ERBB4: variants seen among roughly 807,000 people sequenced by gnomAD.
ERBB4 encodes the protein receptor tyrosine-protein kinase erbB-4.
Under a neutral mutation model 158.0 loss-of-function variants are expected in ERBB4, and 42 were observed. The observed-to-expected ratio is 0.27, with a 90% confidence interval of 0.21 to 0.34. ERBB4 has a LOEUF of 0.34. Ranked by LOEUF, ERBB4 falls within the 10% of genes least tolerant of loss-of-function variation. The pLI, the probability that ERBB4 is intolerant of heterozygous loss-of-function variation, is 1.00. For missense variants in ERBB4, 1,333 were observed against 1,624.1 expected (o/e 0.82, Z 3.08); for synonymous variants, 583 against 558.7 (o/e 1.04, Z -0.61).
chr2:211,493,676 T>C (rs1193152367), intron 20 of ERBB4, among the ~76,000 whole-genome samples: 1 of 64,956 alleles, frequency 1.5e-5, no homozygotes, highest in Admixed American at 1.7e-4. Flanking sequence ...ATTTGAAATA[T>C]ATATTTTTTC....
At chr2:212,111,243 T>A (rs2079396644) in intron 2 of ERBB4, among the ~76,000 whole-genome samples, 1 of 152,224 alleles carries the variant, frequency 6.6e-6, no homozygotes, top group Non-Finnish European at 1.5e-5. Flanking sequence ...AGTCTTTCCT[T>A]ATAATGATTA....
chr2:211,572,473 CG>C (rs1238110339), intron 19 of ERBB4, among the ~76,000 whole-genome samples: 1 of 152,134 alleles, frequency 6.6e-6, no homozygotes, highest in Non-Finnish European at 1.5e-5. Flanking sequence ...ATGATGACAA[CG>C]GGCTACGACG....
chr2:212,409,185 A>G (rs1454996258), intron 1 of ERBB4, among the ~76,000 whole-genome samples: 2 of 152,274 alleles, frequency 1.3e-5, no homozygotes, highest in South Asian at 2.1e-4. Context: ...GGTTATTTAT[A>G]AAAAGGGAGA....
chr2:211,718,594 G>A (rs114047361), intron 7 of ERBB4, among the ~76,000 whole-genome samples: 2,171 of 152,138 alleles, frequency 0.014, 50 homozygotes, highest in African/African-American at 0.049. Context: ...CAGAAACAAA[G>A]GCATCACTAT....
chr2:211,684,794 G>C (rs1036930446), intron 12 of ERBB4, among the ~76,000 whole-genome samples: 1 of 152,172 alleles, frequency 6.6e-6, no homozygotes, highest in African/African-American at 2.4e-5. Context: ...CCAAAGAATG[G>C]AGTTTCCACA....
intron 1 of ERBB4, among the ~76,000 whole-genome samples, chr2:212,306,077 A>T (rs1388587351): frequency 2.6e-5 from 4 of 151,622 alleles, no homozygotes; most frequent in Non-Finnish European, 4.4e-5. Context: ...ATATACATAT[A>T]TACTGATAAA....
At chr2:211,861,363 T>G (rs10202740) in intron 3 of ERBB4, among the ~76,000 whole-genome samples, 70,679 of 99,494 alleles carry the variant, frequency 0.71, 23,369 homozygotes, top group South Asian at 0.74. Context: ...TTTTTTTTTT[T>G]TTTTTTACTT....
At chr2:212,515,311 T>G (rs1691763101) in intron 1 of ERBB4, among the ~76,000 whole-genome samples, 1 of 152,208 alleles carries the variant, frequency 6.6e-6, no homozygotes, top group African/African-American at 2.4e-5. Context: ...TAAAAATACT[T>G]AATCCTCACA....
At chr2:211,745,706 C>A (rs2074944849) in intron 5 of ERBB4, among the ~76,000 whole-genome samples, 1 of 129,852 alleles carries the variant, frequency 7.7e-6, no homozygotes, top group Admixed American at 8.1e-5. Flanking sequence ...CCCCCACCCT[C>A]CACCGCCAGA....
At chr2:212,538,332 C>G (rs1274585014) in intron 1 of ERBB4, 117 bp downstream of exon 1, 5 of 881,886 alleles carry the variant, frequency 5.7e-6, no homozygotes, top group Non-Finnish European at 9.6e-6. Flanking sequence ...GGGAAGAGGC[C>G]CCGGTCAAGC....
At chr2:211,953,958 T>G (rs990480242) in intron 2 of ERBB4, among the ~76,000 whole-genome samples, 1 of 152,082 alleles carries the variant, frequency 6.6e-6, no homozygotes, top group Non-Finnish European at 1.5e-5. Flanking sequence ...ACCTGGAATT[T>G]TCAATGGATG....
chr2:211,654,036 T>C (rs1043576984), intron 16 of ERBB4, among the ~76,000 whole-genome samples: 4 of 152,202 alleles, frequency 2.6e-5, no homozygotes, highest in Non-Finnish European at 4.4e-5. Flanking sequence ...CTTCAATCAA[T>C]TGACAGATGC....
chr2:211,712,385 C>A (rs548166420), intron 8 of ERBB4, among the ~76,000 whole-genome samples: 2 of 152,094 alleles, frequency 1.3e-5, no homozygotes, highest in African/African-American at 4.8e-5. Context: ...GCATTAAAAT[C>A]GAATGACGAT....
chr2:211,462,663 C>T (rs1324802477), intron 20 of ERBB4, among the ~76,000 whole-genome samples: 2 of 152,142 alleles, frequency 1.3e-5, no homozygotes, highest in African/African-American at 4.8e-5. Context: ...TGGGCTGTTA[C>T]ACTTCTTAGG....
At chr2:211,397,840 T>A (rs1320802643) in intron 25 of ERBB4, among the ~76,000 whole-genome samples, 1 of 152,196 alleles carries the variant, frequency 6.6e-6, no homozygotes, top group East Asian at 1.9e-4. Context: ...ATCTATACTT[T>A]TATTTTCTGC....
At chr2:212,066,256 A>C (rs1386247665) in intron 2 of ERBB4, among the ~76,000 whole-genome samples, 1 of 152,006 alleles carries the variant, frequency 6.6e-6, no homozygotes, top group Non-Finnish European at 1.5e-5. Context: ...GTTTTCAAAA[A>C]GTATAATGAC....
At chr2:211,530,465 C>T (rs1259467694) in intron 20 of ERBB4, among the ~76,000 whole-genome samples, 1 of 152,020 alleles carries the variant, frequency 6.6e-6, no homozygotes, top group Non-Finnish European at 1.5e-5. Context: ...ATCAAAATAC[C>T]AACGATATTT....
At chr2:212,020,967 A>T (rs1211870203) in intron 2 of ERBB4, among the ~76,000 whole-genome samples, 1 of 152,174 alleles carries the variant, frequency 6.6e-6, no homozygotes, top group East Asian at 1.9e-4. Context: ...AAAGGTAAGA[A>T]GAGGTAATCA....
chr2:212,538,496 C>T lies in ERBB4; in HGVS notation c.35G>A (p.Ser12Asn), dbSNP rs755858938. The T allele has an allele frequency of 1.2e-6, 2 of 1,614,002 alleles. No homozygotes were observed. The highest frequency in any genetic ancestry group is 1.1e-5 in the South Asian group (1 of 91,096). ...GACGGTCCCCGCCGCCACGAGAAGGCTCACCCAGACCCAAAGTCCTGTCGC... is the reference window on the plus strand; with the variant it reads ...GACGGTCCCCGCCGCCACGAGAAGGTTCACCCAGACCCAAAGTCCTGTCGC... Reference protein sequence around the residue: ...KPATGLWVWVSLLVAAGTVQP... With the variant: ...KPATGLWVWVNLLVAAGTVQP... The change falls in exon 1 of 28, where the codon AGC (serine) becomes AAC (asparagine). Residue 12 changes from serine (S) to asparagine (N), a missense_variant. This residue lies in a region of ERBB4 where 438 missense variants were observed against 586.9 expected (regional missense o/e 0.75). Transcript: ENST00000342788.
Sources: gnomAD v4.1 joint callset for allele counts (sites outside exome capture counted in the v4.1 genomes callset) on GRCh38, gnomAD v4.1.1 for gene constraint, gnomAD v4.1.1 regional missense constraint, MANE v1.5 for transcripts, NCBI Gene and HGNC (gene_info 2026-07-23, HGNC 2026-07-21) for gene names.